The following DMC1 variants were observed in gnomAD, a reference collection of about 807,000 sequenced individuals.
DMC1 encodes DNA meiotic recombinase 1, also known as meiotic recombination protein DMC1 homolog.
Under a neutral mutation model 50.1 loss-of-function variants are expected in DMC1, and 27 were observed. That is an observed-to-expected ratio of 0.54 (90% CI 0.40 to 0.74). The LOEUF (loss-of-function observed/expected upper bound fraction) is 0.74, where lower values mean the gene tolerates loss of function less well. DMC1 is among the 30% of genes least tolerant of loss of function. DMC1 has a pLI of 0.00. For missense variants in DMC1, 295 were observed against 420.2 expected, an observed-to-expected ratio of 0.70 and a Z score of 2.60; for synonymous variants, 148 against 136.1, an observed-to-expected ratio of 1.09 and a Z score of -0.61.
At chr22:38,509,959 G>C in the DMC1 span, among the ~76,000 whole-genome samples, 1 of 152,042 alleles carries the variant, frequency 6.6e-6, no homozygotes, top group South Asian at 2.1e-4. Flanking sequence ...ACCGCATCTG[G>C]CCTTCATTAT....
chr22:38,551,737 A>G (rs1301306325), intron 7 of DMC1, among the ~76,000 whole-genome samples: 1 of 152,058 alleles, frequency 6.6e-6, no homozygotes, highest in Non-Finnish European at 1.5e-5. Context: ...TGGCACTGTC[A>G]TTATTTCAAT....
chr22:38,541,105 G>A (rs2090275993), intron 8 of DMC1, among the ~76,000 whole-genome samples: 1 of 151,998 alleles, frequency 6.6e-6, no homozygotes, highest in Non-Finnish European at 1.5e-5. Context: ...CCACAAACAA[G>A]TTATTGGGGG....
At chr22:38,522,292 G>A (rs991364009) in intron 12 of DMC1, among the ~76,000 whole-genome samples, 5 of 150,618 alleles carry the variant, frequency 3.3e-5, no homozygotes, top group Non-Finnish European at 7.4e-5. Flanking sequence ...TCGGTGGCTC[G>A]TGCCTGTAAT....
intron 5 of DMC1, among the ~76,000 whole-genome samples, chr22:38,559,694 C>T (rs1602768077): frequency 1.3e-5 from 2 of 152,074 alleles, no homozygotes; most frequent in African/African-American, 2.4e-5. Context: ...TTTTCTCTCA[C>T]GAAGTTTACA....
At chr22:38,514,051 C>T (rs1040019611), downstream of DMC1, among the ~76,000 whole-genome samples, 4 of 152,058 alleles carry the variant, frequency 2.6e-5, no homozygotes, top group Admixed American at 6.6e-5. Flanking sequence ...AGGCTGCTGT[C>T]GACACCTTGG....
At chr22:38,542,299 GAA>G (rs1040509127) in intron 8 of DMC1, among the ~76,000 whole-genome samples, 4 of 151,860 alleles carry the variant, frequency 2.6e-5, no homozygotes, top group African/African-American at 9.7e-5. Context: ...CTTATGTTTG[GAA>G]AAACCCAGAC....
Position 38,521,628 on chromosome 22 carries a change from T to C in DMC1, c.933A>G (p.Arg311=). Residue 311 remains arginine (R), a synonymous_variant, in exon 13 of 14, where the codon AGA becomes AGG. Transcript: ENST00000216024. ...ISLRKGRGEL[R]IAKIYDSPEM... The stretch of plus-strand genomic sequence containing the variant: ...TTTACCTGTCATAAATCTTGGCAAT[T>C]CTGAGCTCTCCTCTTCCCTTTCGCA... 6.2e-7 allele frequency: 1 copy of C among 1,612,188 alleles called. No homozygotes were observed. Among genetic ancestry groups the C allele is most frequent in the Non-Finnish European group, 8.5e-7 (1 of 1,178,836 alleles).
chr22:38,518,170 C>A (rs2089989434), downstream of DMC1, among the ~76,000 whole-genome samples: 1 of 152,086 alleles, frequency 6.6e-6, no homozygotes, highest in Non-Finnish European at 1.5e-5. Context: ...TGGGGTTTCA[C>A]TGTGTTGGCC....
intron 7 of DMC1, 143 bp downstream of exon 7, chr22:38,552,523 G>A: frequency 4.4e-6 from 3 of 682,768 alleles, no homozygotes; most frequent in East Asian, 2.7e-5. Context: ...GTATAACCAC[G>A]GGCAGTTTAC....
chr22:38,516,389 G>C (rs188140268), downstream of DMC1, among the ~76,000 whole-genome samples: 204 of 152,080 alleles, frequency 1.3e-3, no homozygotes, highest in Non-Finnish European at 2.3e-3. Flanking sequence ...CCTTCGTCAG[G>C]GGTACTCTGC....
At chr22:38,550,949 A>G (rs1042502264) in intron 7 of DMC1, among the ~76,000 whole-genome samples, 20 of 131,954 alleles carry the variant, frequency 1.5e-4, no homozygotes, top group Non-Finnish European at 1.6e-5. Context: ...AAAAAAAAAA[A>G]GAAAGAAAGA....
At chr22:38,523,554 CCT>C (rs1569152701) in intron 12 of DMC1, among the ~76,000 whole-genome samples, 2 of 152,124 alleles carry the variant, frequency 1.3e-5, no homozygotes, top group South Asian at 2.1e-4. Context: ...CTTCTCAATT[CCT>C]CTCTTATTCT....
chr22:38,513,845 C>T, the DMC1 span, among the ~76,000 whole-genome samples: 706 of 152,322 alleles, frequency 4.6e-3, 7 homozygotes, highest in African/African-American at 0.016. Context: ...GGATTATAGG[C>T]GCGGGCCACT....
chr22:38,538,180 A>G (rs567625075), intron 11 of DMC1, 115 bp downstream of exon 11: 1 of 813,576 alleles, frequency 1.2e-6, no homozygotes, highest in African/African-American at 1.7e-5. Context: ...GTATTCTCAT[A>G]AAGGTAATTT....
intron 12 of DMC1, among the ~76,000 whole-genome samples, chr22:38,531,221 G>A (rs1296858655): frequency 6.6e-6 from 1 of 152,188 alleles, no homozygotes; most frequent in African/African-American, 2.4e-5. Flanking sequence ...TTGCCCCAGT[G>A]TGGGACTTTA....
intron 12 of DMC1, among the ~76,000 whole-genome samples, chr22:38,522,849 A>C (rs1425451713): frequency 6.6e-6 from 1 of 152,158 alleles, no homozygotes; most frequent in African/African-American, 2.4e-5. Flanking sequence ...TCGGGATAAG[A>C]AGCTCTTTGG....
chr22:38,514,945 C>CTTTTT (rs1225224373), downstream of DMC1, among the ~76,000 whole-genome samples: 1 of 121,976 alleles, frequency 8.2e-6, no homozygotes, highest in African/African-American at 3.2e-5. Flanking sequence ...TTTTTTTATT[C>CTTTTT]TTTTTTTTTT....
intron 3 of DMC1, 80 bp from the exon 4 acceptor site, chr22:38,566,816 G>A: frequency 6.9e-7 from 1 of 1,441,076 alleles, no homozygotes; most frequent in Admixed American, 1.7e-5. Flanking sequence ...GTGTTTCTGT[G>A]TCCATCTCCT....
chr22:38,567,453 G>A, intron 3 of DMC1, 130 bp downstream of exon 3: 3 of 787,514 alleles, frequency 3.8e-6, no homozygotes, highest in Non-Finnish European at 4.6e-6. Context: ...GGCCAAGGAT[G>A]TTGCAAACAC....
Sources: gnomAD v4.1 joint callset for allele counts (sites outside exome capture counted in the v4.1 genomes callset) on GRCh38, gnomAD v4.1.1 for gene constraint, MANE v1.5 for transcripts, NCBI Gene and HGNC (gene_info 2026-07-23, HGNC 2026-07-21) for gene names.